The following SHANK1 variants were observed in gnomAD, a reference collection of about 807,000 sequenced individuals.
The protein encoded by SHANK1 is SH3 and multiple ankyrin repeat domains 1.
In SHANK1, 35 loss-of-function variants were observed where a neutral mutation model predicts 165.6. That is an observed-to-expected ratio of 0.21 (90% confidence interval 0.16 to 0.28). The LOEUF (loss-of-function observed/expected upper bound fraction) is 0.28, where lower values mean the gene tolerates loss of function less well. SHANK1 is among the 10% of genes least tolerant of loss of function. The pLI, the probability that SHANK1 is intolerant of heterozygous loss-of-function variation, is 1.00. For synonymous variants in SHANK1, 1,428 were observed against 1,384.8 expected, an observed-to-expected ratio of 1.03 and a Z score of -0.69; for missense variants, 2,681 against 3,036.4, an observed-to-expected ratio of 0.88 and a Z score of 2.75.
chr19:50,704,003 C>T (rs2088904975), intron 10 of SHANK1, 117 bp downstream of exon 10: 4 of 1,121,914 alleles, frequency 3.6e-6, no homozygotes, highest in Admixed American at 3.9e-5. Context: ...TTTTGGTCCT[C>T]TAGGGTTTTC....
At chr19:50,700,206 G>A (rs1986873015) in intron 12 of SHANK1, among the ~76,000 whole-genome samples, 2 of 146,788 alleles carry the variant, frequency 1.4e-5, no homozygotes, top group South Asian at 2.2e-4. Flanking sequence ...TGGAGGACTC[G>A]GGGCATTGGA....
At chr19:50,707,837 A>G (rs2088957414) in intron 8 of SHANK1, among the ~76,000 whole-genome samples, 1 of 151,580 alleles carries the variant, frequency 6.6e-6, no homozygotes, top group Non-Finnish European at 1.5e-5. Flanking sequence ...GCTGCTGGCC[A>G]ACTAGACTGT....
In SHANK1 at chr19:50,690,321, G is replaced by C. The variant is rs568119803; in HGVS notation, c.1965-1042C>G. On this transcript the variant is annotated intron_variant, in intron 15 of 23. Transcript: ENST00000293441. The surrounding 1 kb of genome is among the most constrained non-coding windows in gnomAD (Gnocchi z 4.9). ...TCAGATACAGTTCATGGATCTCAAGGCTCACTCAAACAGCCCCAAACTCCT... is the reference window on the plus strand; with the variant it reads ...TCAGATACAGTTCATGGATCTCAAGCCTCACTCAAACAGCCCCAAACTCCT... Among the ~76,000 whole-genome samples the C allele has an allele frequency of 1.3e-5, 2 of 152,090 alleles. No individual in the cohort carries two copies. Among genetic ancestry groups the C allele is most frequent in the South Asian group, 4.1e-4 (2 of 4,820 alleles).
rs1278268293 is a variant in SHANK1 at position 50,687,573 on chromosome 19, C to A, written c.2389+9G>T. The A allele has an allele frequency of 6.5e-7, 1 of 1,546,896 alleles. No individual in the cohort carries two copies. The highest frequency in any genetic ancestry group is 2.5e-5 in the East Asian group (1 of 40,676). ...CGGCCCCCTGGCCTCAGCAGCCCCG[C>A]AGGCTCACCCATCTCCTCCAGCTCT... On this transcript the variant is annotated intron_variant, in intron 19 of 23. Transcript: ENST00000293441.
intron 21 of SHANK1, among the ~76,000 whole-genome samples, chr19:50,680,070 A>T (rs1048264402): frequency 6.6e-6 from 1 of 151,990 alleles, no homozygotes; most frequent in African/African-American, 2.4e-5. Context: ...AAGGAGACAC[A>T]GAGACAGAGA....
chr19:50,702,560 A>G lies in SHANK1; in HGVS notation c.1654T>C (p.Ser552Pro). The change falls in exon 12 of 24, where the codon TCA becomes CCA. Residue 552 changes from serine (S) to proline (P), a missense_variant. Around this residue, in one of 10 missense-constraint regions of SHANK1, gnomAD observed 195 missense variants for 186.2 expected, o/e 1.05. Transcript: ENST00000293441. The surrounding 1 kb of genome is among the most constrained non-coding windows in gnomAD (Gnocchi z 5.3). ...GSRGRRRKLY[S>P]AVPGRSFMAV... ...ATGAAGGAGCGTCCGGGTACCGCTG[A>G]GTAGAGCTTCCTCCGCCTCCCGCGG... The G allele has an allele frequency of 1.2e-6, 2 of 1,612,834 alleles. No individual in the cohort carries two copies. The highest frequency in any genetic ancestry group is 1.7e-6 in the Non-Finnish European group (2 of 1,179,784).
At position 50,717,527 on chromosome 19, in the gene SHANK1, G is replaced by A. The variant is rs967050201; in HGVS notation, c.-43-565C>T. Among the ~76,000 whole-genome samples, 13 of 152,280 alleles carry A rather than the reference G, an allele frequency of 8.5e-5. No homozygotes were observed. The highest frequency in any genetic ancestry group is 6.8e-3 in the Middle Eastern group (2 of 294). ...TTCACTCAAGTGTGGCTGACAACGC[G>A]TGGCATGCCGAATAGTGCTGGGGAA... is the stretch of plus-strand genomic sequence containing the variant. On this transcript the variant is annotated intron_variant, in intron 1 of 23. Transcript: ENST00000293441. This position sits in a 1 kb window ranked among gnomAD's most constrained non-coding sequence, Gnocchi z 5.5.
At chr19:50,710,918 C>G (rs536678173) in intron 8 of SHANK1, 1 of 161,358 alleles carries the variant, frequency 6.2e-6, no homozygotes, top group South Asian at 1.8e-4. Flanking sequence ...CTGGAGCACC[C>G]CTTTCTCCTC....
chr19:50,717,841 G>A lies in SHANK1; in HGVS notation c.-43-879C>T, dbSNP rs1206932956. Among the ~76,000 whole-genome samples the A allele has an allele frequency of 6.6e-6, 1 of 152,072 alleles. No individual in the cohort carries two copies. Among genetic ancestry groups the A allele is most frequent in the African/African-American group, 2.4e-5 (1 of 41,384 alleles). On this transcript the variant is annotated intron_variant, in intron 1 of 23. Coordinates refer to ENST00000293441, the MANE Select transcript of SHANK1 (RefSeq NM_016148.5). The surrounding 1 kb of genome is among the most constrained non-coding windows in gnomAD (Gnocchi z 5.5). ...ACTAGGGGCTCCACTCTGAGGACTG[G>A]GGGTGTTAGGAGGGAGGCTAAGAAG...
At position 50,672,059 on chromosome 19, in the gene SHANK1, A is replaced by C; in HGVS notation, c.2633T>G (p.Leu878Arg). The change falls in exon 22 of 24, where the codon CTG (leucine) becomes CGG (arginine). Residue 878 changes from leucine to arginine, a missense_variant. This residue lies in a region of SHANK1 where 206 missense variants were observed against 216.0 expected (regional missense o/e 0.95). Transcript: ENST00000293441. Reference protein sequence around the residue: ...AQPSYERPSFLPPGPGLMLRQ... With the variant: ...AQPSYERPSFRPPGPGLMLRQ... ...GAGCATCAACCCAGGTCCTGGAGGCAGGAAAGAAGGACGCTCGTAACTTGG... is the reference window on the plus strand; with the variant it reads ...GAGCATCAACCCAGGTCCTGGAGGCCGGAAAGAAGGACGCTCGTAACTTGG... 6.2e-7 allele frequency: 1 copy of C among 1,613,998 alleles called. No homozygotes were observed. The highest frequency in any genetic ancestry group is 1.1e-5 in the South Asian group (1 of 91,008).
Position 50,716,164 on chromosome 19 carries a change from A to C in SHANK1, c.459+111T>G, listed in dbSNP as rs940913681. The C allele has an allele frequency of 2.7e-5, 27 of 996,920 alleles. No individual in the cohort carries two copies. Among genetic ancestry groups the C allele is most frequent in the Non-Finnish European group, 4.2e-5 (27 of 639,762 alleles). 61.8% of individuals were successfully genotyped at this position (996,920 alleles called of 1,614,324 possible). ...TGATGCTTAGAAGGTCTGGACTCGCACACTGGGTGCCCCCTCGTTAAGGTT... is the reference window on the plus strand; with the variant it reads ...TGATGCTTAGAAGGTCTGGACTCGCCCACTGGGTGCCCCCTCGTTAAGGTT... On this transcript the variant is annotated intron_variant, in intron 3 of 23. Coordinates refer to ENST00000293441, the MANE Select transcript of SHANK1 (RefSeq NM_016148.5). This position sits in a 1 kb window ranked among gnomAD's most constrained non-coding sequence, Gnocchi z 8.4.
chr19:50,705,104 G>C (rs2123181030), intron 8 of SHANK1, among the ~76,000 whole-genome samples: 1 of 152,084 alleles, frequency 6.6e-6, no homozygotes, highest in Middle Eastern at 3.4e-3. Flanking sequence ...ACTTTGGAAG[G>C]CTGAGGTGAG....
chr19:50,715,375 G>A (rs537167904), intron 4 of SHANK1, among the ~76,000 whole-genome samples: 24 of 152,152 alleles, frequency 1.6e-4, no homozygotes, highest in African/African-American at 5.3e-4. Flanking sequence ...GGGAAGAGAA[G>A]GGAGACTCAA....
At chr19:50,707,157 C>T (rs527796021) in intron 8 of SHANK1, among the ~76,000 whole-genome samples, 2 of 152,268 alleles carry the variant, frequency 1.3e-5, no homozygotes, top group East Asian at 3.9e-4. Context: ...CTTCGTAACC[C>T]CGTCTCACTG....
At position 50,689,102 on chromosome 19, in the gene SHANK1, G is replaced by A. The variant is rs555967062; in HGVS notation, c.2047+95C>T. On this transcript the variant is annotated intron_variant, in intron 16 of 23. Transcript: ENST00000293441. ...AGCACCCCGGGGTGGGGTGGTGGGCGGGCTGGGGTCCCTTCCCCTTTCCAG... is the reference window on the plus strand; with the variant it reads ...AGCACCCCGGGGTGGGGTGGTGGGCAGGCTGGGGTCCCTTCCCCTTTCCAG... The A allele has an allele frequency of 1.4e-4, 161 of 1,175,398 alleles. 1 individual carries two copies. The South Asian group carries it at 1.6e-3, about 12-fold the overall frequency. 72.8% of individuals were successfully genotyped at this position (1,175,398 alleles called of 1,614,324 possible).
At chr19:50,671,327 G>A (rs1480184756) in intron 22 of SHANK1, among the ~76,000 whole-genome samples, 1 of 150,840 alleles carries the variant, frequency 6.6e-6, no homozygotes, top group Non-Finnish European at 1.5e-5. Flanking sequence ...GGGACTACAG[G>A]TGCCCGCCAC....
chr19:50,689,261 C>T lies in SHANK1; in HGVS notation c.1983G>A (p.Glu661=). 2 of 1,611,586 alleles carry T rather than the reference C, an allele frequency of 1.2e-6. No homozygotes were observed. Among genetic ancestry groups the T allele is most frequent in the Non-Finnish European group, 1.7e-6 (2 of 1,178,726 alleles). ...IGPGSDYIIK[E]KTVLLQKKDS... Reference sequence around the variant, plus strand: ...CCTTCTTCTGCAGCAAGACTGTCTTCTCCTTAATGATGTAATCGCTGGCAG... The same window carrying T: ...CCTTCTTCTGCAGCAAGACTGTCTTTTCCTTAATGATGTAATCGCTGGCAG... Residue 661 remains glutamate (E), a synonymous_variant, in exon 16 of 24, where the codon GAG becomes GAA. Transcript: ENST00000293441.
chr19:50,663,941 T>TC (rs1555739160), intron 23 of SHANK1, among the ~76,000 whole-genome samples: 185 of 6,584 alleles, frequency 0.028, no homozygotes, highest in African/African-American at 0.11. Context: ...TCTCTCTCTC[T>TC]TTTTTTTTTT....
intron 23 of SHANK1, among the ~76,000 whole-genome samples, chr19:50,663,331 G>A (rs1460872571): frequency 2.6e-5 from 4 of 151,836 alleles, no homozygotes; most frequent in Non-Finnish European, 5.9e-5. Context: ...AGAAACAAGG[G>A]GAGAAAAAGG....
Sources: gnomAD v4.1 joint callset for allele counts (sites outside exome capture counted in the v4.1 genomes callset) on GRCh38, gnomAD v4.1.1 for gene constraint, gnomAD v4.1.1 regional missense constraint, Gnocchi (gnomAD v3.1) non-coding constraint, MANE v1.5 for transcripts, NCBI Gene and HGNC (gene_info 2026-07-23, HGNC 2026-07-21) for gene names.